The following RNF146 variants were observed in gnomAD, a reference collection of about 807,000 sequenced individuals.
The protein encoded by RNF146 is E3 ubiquitin-protein ligase RNF146.
RNF146 carries 11 observed loss-of-function variants against 29.7 expected under a neutral mutation model. The observed-to-expected ratio is 0.37, with a 90% CI of 0.23 to 0.61. The LOEUF (loss-of-function observed/expected upper bound fraction) is 0.61, where lower values mean the gene tolerates loss of function less well. Ranked by LOEUF, RNF146 falls within the 20% of genes least tolerant of loss-of-function variation. RNF146 has a pLI of 0.66. For missense variants in RNF146, 342 were observed against 438.9 expected (o/e 0.78, Z 1.97); for synonymous variants, 150 against 159.7 (o/e 0.94, Z 0.46).
chr6:127,286,482 C>T lies in RNF146; in HGVS notation c.3-134C>T, dbSNP rs1393041701. On this transcript the variant is annotated intron_variant, in intron 2 of 2. Transcript: ENST00000368314. This position sits in a 1 kb window ranked among gnomAD's most constrained non-coding sequence, Gnocchi z 4.6. ...TGGAGAGTTTTTCCTCTACTTTCAT[C>T]TTCATATCCCCATTGTCTAGTATGT... 3.4e-6 allele frequency: 3 copies of T among 894,726 alleles called. No homozygotes were observed. Among genetic ancestry groups the T allele is most frequent in the African/African-American group, 1.7e-5 (1 of 58,848 alleles). 55.4% of individuals were successfully genotyped at this position (894,726 alleles called of 1,614,324 possible). A position where few individuals can be genotyped will look rare whatever the true frequency, so the allele number is the denominator to read the frequency against.
intron 2 of RNF146, among the ~76,000 whole-genome samples, chr6:127,284,106 G>C (rs1309429915): frequency 6.6e-6 from 1 of 151,618 alleles, no homozygotes; most frequent in African/African-American, 2.4e-5. Context: ...GTAGATAAAC[G>C]AGCTGTATGT....
intron 2 of RNF146, 131 bp downstream of exon 2, chr6:127,280,471 G>T (rs1387080055): frequency 4.5e-6 from 6 of 1,321,798 alleles, no homozygotes; most frequent in East Asian, 5.5e-5. Flanking sequence ...TGACTTATAG[G>T]TGCTTTATTA....
chr6:127,272,912 T>C (rs60988696), intron 1 of RNF146, among the ~76,000 whole-genome samples: 3,240 of 152,306 alleles, frequency 0.021, 110 homozygotes, highest in African/African-American at 0.075. Context: ...GGAAAATAAA[T>C]TCCTAAGGAA....
chr6:127,281,619 AGAG>A (rs1489681932), intron 2 of RNF146, among the ~76,000 whole-genome samples: 1 of 151,752 alleles, frequency 6.6e-6, no homozygotes, highest in Non-Finnish European at 1.5e-5. Context: ...AACACATTTT[AGAG>A]GAGTCAGGGA....
At chr6:127,276,071 T>C (rs1778163979) in intron 1 of RNF146, among the ~76,000 whole-genome samples, 1 of 151,980 alleles carries the variant, frequency 6.6e-6, no homozygotes, top group South Asian at 2.1e-4. Flanking sequence ...GATGGGAGGA[T>C]CGCTTGAGCC....
chr6:127,269,307 C>G (rs1427938858), intron 1 of RNF146, among the ~76,000 whole-genome samples: 1 of 152,128 alleles, frequency 6.6e-6, no homozygotes, highest in African/African-American at 2.4e-5. Flanking sequence ...TAACAAAAGA[C>G]TGGGGGTTAT....
intron 1 of RNF146, among the ~76,000 whole-genome samples, chr6:127,267,597 C>T (rs1281129471): frequency 2.6e-5 from 4 of 152,054 alleles, no homozygotes; most frequent in African/African-American, 9.7e-5. Flanking sequence ...GCTCTTCCTC[C>T]TTTTTTTTCT....
chr6:127,271,937 C>T (rs953370861), intron 1 of RNF146, among the ~76,000 whole-genome samples: 7 of 152,106 alleles, frequency 4.6e-5, no homozygotes, highest in African/African-American at 1.7e-4. Context: ...ATGTGAGGCA[C>T]CATGCCCTGC....
chr6:127,282,703 T>C lies in RNF146; in HGVS notation c.2+2363T>C, dbSNP rs995444346. Among the ~76,000 whole-genome samples, 3 of 151,718 alleles carry C rather than the reference T, an allele frequency of 2.0e-5. No homozygotes were observed. In the East Asian group the frequency reaches 5.8e-4, roughly 29 times the overall value. On this transcript the variant is annotated intron_variant, in intron 2 of 2. Coordinates refer to ENST00000368314, the MANE Select transcript of RNF146 (RefSeq NM_001242850.2). ...GTTTCCCTTTCGCCATACCTCCTCC[T>C]GCATTACCAAACTTTCCTCCAACCT...
rs10669927 is a variant in RNF146, at chr6:127,285,529, C to CTTTTTT, written c.3-1075_3-1070dup. On this transcript the variant is annotated intron_variant, in intron 2 of 2. Coordinates refer to ENST00000368314, the MANE Select transcript of RNF146 (RefSeq NM_001242850.2). Reference sequence around the variant, plus strand: ...ATTATTTTCTCCCCTTTTAAAATGTCTTTTTTTTTTTTTTTTTACCATGGG... The same window carrying CTTTTTT: ...ATTATTTTCTCCCCTTTTAAAATGTCTTTTTTTTTTTTTTTTTTTTTTTACCATGGG... Among the ~76,000 whole-genome samples the CTTTTTT allele has an allele frequency of 3.1e-3, 404 of 129,986 alleles. 8 individuals are homozygous for CTTTTTT. Among genetic ancestry groups the CTTTTTT allele is most frequent in the Middle Eastern group, 8.8e-3 (2 of 228 alleles). The allele number at this position is 129,986 out of a possible 152,430, so 85.3% of individuals were successfully genotyped here. A position where few individuals can be genotyped will look rare whatever the true frequency, so the allele number is the denominator to read the frequency against.
chr6:127,267,596 C>A (rs62438529), intron 1 of RNF146, among the ~76,000 whole-genome samples: 1 of 152,180 alleles, frequency 6.6e-6, no homozygotes, highest in Admixed American at 6.5e-5. Context: ...CGCTCTTCCT[C>A]CTTTTTTTTC....
At chr6:127,277,255 G>C (rs537936158) in intron 1 of RNF146, among the ~76,000 whole-genome samples, 74 of 152,072 alleles carry the variant, frequency 4.9e-4, no homozygotes, top group South Asian at 1.7e-3. Flanking sequence ...TATATATAGG[G>C]AGTGTATGAA....
chr6:127,275,430 C>G (rs1778066070), intron 1 of RNF146, among the ~76,000 whole-genome samples: 1 of 152,054 alleles, frequency 6.6e-6, no homozygotes, highest in Non-Finnish European at 1.5e-5. Flanking sequence ...TTGAATAAAT[C>G]TAATCCTTTG....
At chr6:127,282,423 G>A (rs1315429093) in intron 2 of RNF146, 1 of 151,642 alleles carries the variant, frequency 6.6e-6, no homozygotes, top group Non-Finnish European at 1.5e-5. Flanking sequence ...TTTCAGCTCA[G>A]ATTTATTCTT....
rs1175890559 is a variant in RNF146, at chr6:127,287,925, C to T, written c.*232C>T. On this transcript the variant is annotated 3_prime_UTR_variant, in exon 3 of 3. Coordinates refer to ENST00000368314, the MANE Select transcript of RNF146 (RefSeq NM_001242850.2). ...AGCTGTTTAGTAATAACCCAGTTTTCTTGAGGTCTGTTTACTTTATACTTT... is the reference window on the plus strand; with the variant it reads ...AGCTGTTTAGTAATAACCCAGTTTTTTTGAGGTCTGTTTACTTTATACTTT... 1.1e-5 allele frequency: 4 copies of T among 376,394 alleles called. No homozygotes were observed. Among genetic ancestry groups the T allele is most frequent in the African/African-American group, 4.2e-5 (2 of 47,826 alleles). The allele number at this position is 376,394 out of a possible 1,614,324, so 23.3% of individuals were successfully genotyped here. A position where few individuals can be genotyped will look rare whatever the true frequency, so the allele number is the denominator to read the frequency against.
Position 127,286,687 on chromosome 6 carries a change from G to A in RNF146, c.74G>A (p.Cys25Tyr). 1 of 1,613,336 alleles carries A rather than the reference G, an allele frequency of 6.2e-7. No homozygotes were observed. The change falls in exon 3 of 3, where the codon TGT becomes TAT. Residue 25 changes from cysteine to tyrosine, a missense_variant. Cys to Tyr is a radical substitution (Grantham distance 194, BLOSUM62 -2). Coordinates refer to ENST00000368314, the MANE Select transcript of RNF146 (RefSeq NM_001242850.2). The surrounding 1 kb of genome is among the most constrained non-coding windows in gnomAD (Gnocchi z 4.6). ...ACAAACAGGAAAGCGAACGAGTCCTGTTCTAATACTGCACCTTCTTTAACC... is the reference window on the plus strand; with the variant it reads ...ACAAACAGGAAAGCGAACGAGTCCTATTCTAATACTGCACCTTCTTTAACC... ...LPTNRKANES[C>Y]SNTAPSLTVP...
chr6:127,287,318 A>G lies in RNF146; in HGVS notation c.705A>G (p.Pro235=). 1.2e-6 allele frequency: 2 copies of G among 1,613,464 alleles called. No individual in the cohort carries two copies. Among genetic ancestry groups the G allele is most frequent in the Non-Finnish European group, 1.7e-6 (2 of 1,179,646 alleles). The change falls in exon 3 of 3, where the codon CCA becomes CCG. Residue 235 remains proline (P), a synonymous_variant. Transcript: ENST00000368314. ...GTCAGTTAACAAGCCCTGCAACACC[A>G]TCCCCTGATGCAAGCACTTCTCTGG... ...VDGQLTSPAT[P]SPDASTSLED...
At chr6:127,283,108 T>A (rs1227706871) in intron 2 of RNF146, among the ~76,000 whole-genome samples, 1 of 151,766 alleles carries the variant, frequency 6.6e-6, no homozygotes, top group Non-Finnish European at 1.5e-5. Context: ...CTATATTTTG[T>A]CTTCTTGAGA....
At chr6:127,271,014 C>T (rs181639827) in intron 1 of RNF146, among the ~76,000 whole-genome samples, 2 of 152,140 alleles carry the variant, frequency 1.3e-5, no homozygotes, top group Admixed American at 6.6e-5. Context: ...CGGGGTTTCA[C>T]CATGTTGGCC....
Sources: gnomAD v4.1 joint callset for allele counts (sites outside exome capture counted in the v4.1 genomes callset) on GRCh38, gnomAD v4.1.1 for gene constraint, Gnocchi (gnomAD v3.1) non-coding constraint, MANE v1.5 for transcripts, NCBI Gene and HGNC (gene_info 2026-07-23, HGNC 2026-07-21) for gene names.